Variants in TRPM2 observed in about 807,000 individuals in gnomAD.
TRPM2 encodes transient receptor potential cation channel subfamily M member 2.
TRPM2 carries 161 observed loss-of-function variants against 174.0 expected under a neutral mutation model. The observed-to-expected ratio is 0.93, with a 90% CI of 0.81 to 1.05. The LOEUF is 1.05. Among genes scored for constraint, TRPM2 ranks in the 50% least tolerant of loss-of-function variants. TRPM2 has a pLI of 0.00. For missense variants in TRPM2, 2,057 were observed against 2,038.0 expected (o/e 1.01, Z -0.18); for synonymous variants, 954 against 861.3 (o/e 1.11, Z -1.88).
In TRPM2 at chr21:44,353,777, A is replaced by T. The variant is rs2047976070; in HGVS notation, c.77A>T (p.Asp26Val). 6.2e-7 allele frequency: 1 copy of T among 1,603,102 alleles called. No individual in the cohort carries two copies. Among genetic ancestry groups the T allele is most frequent in the Non-Finnish European group, 8.5e-7 (1 of 1,175,502 alleles). ...GAGGGGCTGCCCAGAAGGGTCACTG[A>T]CCTGGGGATGGTCTCCAATCTCCGG... ...GFEGLPRRVT[D>V]LGMVSNLRRS... Residue 26 changes from aspartate to valine, a missense_variant, in exon 1 of 32, where the codon GAC (aspartate) becomes GTC (valine). Asp to Val is a radical substitution (Grantham distance 152). Transcript: ENST00000397928.
chr21:44,367,030 C>A lies in TRPM2; in HGVS notation c.604+96C>A, dbSNP rs921324053. The A allele has an allele frequency of 1.4e-6, 2 of 1,398,508 alleles. No individual in the cohort carries two copies. The highest frequency in any genetic ancestry group is 2.9e-5 in the African/African-American group (2 of 68,904). The allele number at this position is 1,398,508 out of a possible 1,614,324, so 86.6% of individuals were successfully genotyped here. On this transcript the variant is annotated intron_variant, in intron 4 of 31. Transcript: ENST00000397928. This position sits in a 1 kb window ranked among gnomAD's most constrained non-coding sequence, Gnocchi z 4.6. Reference sequence around the variant, plus strand: ...TCAGGGCCATCAGGACCCAAAAAGTCCCTGGGAGCCGCCGAGGCTGTGCCC... The same window carrying A: ...TCAGGGCCATCAGGACCCAAAAAGTACCTGGGAGCCGCCGAGGCTGTGCCC...
intron 7 of TRPM2, among the ~76,000 whole-genome samples, chr21:44,378,014 G>C (rs45607941): frequency 6.6e-6 from 1 of 152,226 alleles, no homozygotes; most frequent in Non-Finnish European, 1.5e-5. Flanking sequence ...GCCATTGACC[G>C]GCGTGGAAGG....
intron 19 of TRPM2, among the ~76,000 whole-genome samples, chr21:44,409,841 TG>T (rs1469686226): frequency 6.8e-6 from 1 of 147,614 alleles, no homozygotes; most frequent in African/African-American, 2.5e-5. Context: ...AGCGTAGCCT[TG>T]TAGTAAGTTT....
chr21:44,391,315 A>T lies in TRPM2; in HGVS notation c.1484A>T (p.Asn495Ile), dbSNP rs1282135864. Residue 495 changes from asparagine (N) to isoleucine (I), a missense_variant, in exon 11 of 32, where the codon AAC (asparagine) becomes ATC (isoleucine). Coordinates refer to ENST00000397928, the MANE Select transcript of TRPM2 (RefSeq NM_003307.4). This position sits in a 1 kb window ranked among gnomAD's most constrained non-coding sequence, Gnocchi z 5.0. Reference protein sequence around the residue: ...HPTMTAALISNKPEFVKLFLE... With the variant: ...HPTMTAALISIKPEFVKLFLE... ...ACGATGACAGCTGCACTCATCTCCAACAAGCCTGAGTTTGTGAAGCTCTTC... is the reference window on the plus strand; with the variant it reads ...ACGATGACAGCTGCACTCATCTCCATCAAGCCTGAGTTTGTGAAGCTCTTC... 4 of 1,613,952 alleles carry T rather than the reference A, an allele frequency of 2.5e-6. No individual in the cohort carries two copies. In the Admixed American group the frequency reaches 6.7e-5, roughly 27 times the overall value.
Position 44,441,859 on chromosome 21 carries a change from C to T in TRPM2, c.*42C>T. ...GGCGGCTCCAGTCCATAGACGTTCC[C>T]CCCAGAAACCAGGGCTTCTCTCTCC... On this transcript the variant is annotated 3_prime_UTR_variant, in exon 32 of 32. Coordinates refer to ENST00000397928, the MANE Select transcript of TRPM2 (RefSeq NM_003307.4). The T allele has an allele frequency of 1.3e-6, 2 of 1,548,406 alleles. No individual in the cohort carries two copies. Among genetic ancestry groups the T allele is most frequent in the Non-Finnish European group, 1.7e-6 (2 of 1,144,326 alleles).
rs2051403981 is a variant in TRPM2 at position 44,439,372 on chromosome 21, C to T, written c.4269+204C>T. 6.6e-6 allele frequency among the ~76,000 whole-genome samples: 1 copy of T among 152,190 alleles called. No homozygotes were observed. Among genetic ancestry groups the T allele is most frequent in the South Asian group, 2.1e-4 (1 of 4,824 alleles). Reference sequence around the variant, plus strand: ...AAGCATAGCTGTGTGCAGGGCCCCTCAGACATCTCGCCCTCCCTCTCTGTT... The same window carrying T: ...AAGCATAGCTGTGTGCAGGGCCCCTTAGACATCTCGCCCTCCCTCTCTGTT... On this transcript the variant is annotated intron_variant, in intron 30 of 31. Transcript: ENST00000397928. The surrounding 1 kb of genome is among the most constrained non-coding windows in gnomAD (Gnocchi z 5.1).
intron 9 of TRPM2, among the ~76,000 whole-genome samples, chr21:44,388,780 A>G (rs866938309): frequency 1.3e-5 from 2 of 152,256 alleles, no homozygotes; most frequent in Middle Eastern, 3.4e-3. Flanking sequence ...TTATGATTAT[A>G]AATATGATCA....
In TRPM2 at chr21:44,437,161, G is replaced by A. The variant is rs1477439454; in HGVS notation, c.4161G>A (p.Leu1387=). 3.2e-6 allele frequency: 5 copies of A among 1,551,132 alleles called. No individual in the cohort carries two copies. Among genetic ancestry groups the A allele is most frequent in the Non-Finnish European group, 4.4e-6 (5 of 1,146,792 alleles). ...TCCCTCTCTCCGAGCACTGGGCCCT[G>A]CCTGGGGTAAGGCTGCCGCGTGTGG... ...VKLPLSEHWA[L]PGGSREPGEM... The change falls in exon 29 of 32, where the codon CTG becomes CTA. Residue 1387 remains leucine (L), a synonymous_variant. Coordinates refer to ENST00000397928, the MANE Select transcript of TRPM2 (RefSeq NM_003307.4).
At chr21:44,440,708 T>A in intron 30 of TRPM2, 81 bp from the exon 31 acceptor site, 1 of 1,203,198 alleles carries the variant, frequency 8.3e-7, no homozygotes, top group Non-Finnish European at 1.2e-6. Context: ...CAGAGCTGGG[T>A]CAGGGTGGAG....
rs977001665 is a variant in TRPM2 at position 44,354,537 on chromosome 21, C to T, written c.166-111C>T. 2.3e-5 allele frequency: 22 copies of T among 953,092 alleles called. 1 individual carries two copies. The highest frequency in any genetic ancestry group is 3.5e-5 in the Non-Finnish European group (21 of 602,348). The allele number at this position is 953,092 out of a possible 1,614,324, so 59.0% of individuals were successfully genotyped here. On this transcript the variant is annotated intron_variant, in intron 1 of 31. Coordinates refer to ENST00000397928, the MANE Select transcript of TRPM2 (RefSeq NM_003307.4). This position sits in a 1 kb window ranked among gnomAD's most constrained non-coding sequence, Gnocchi z 4.3. The stretch of plus-strand genomic sequence containing the variant: ...GGCTCAGGGTCGCGCAGGCTTCCTT[C>T]CTTCAAGCAAATAGTGTGAAAGCTC...
intron 9 of TRPM2, among the ~76,000 whole-genome samples, chr21:44,383,028 T>A (rs2048928614): frequency 6.6e-6 from 1 of 152,206 alleles, no homozygotes; most frequent in Non-Finnish European, 1.5e-5. Flanking sequence ...TATTTGTAAC[T>A]GGAATCCGAG....
chr21:44,361,229 G>A (rs1055116804), intron 2 of TRPM2, among the ~76,000 whole-genome samples: 3 of 151,954 alleles, frequency 2.0e-5, no homozygotes, highest in African/African-American at 4.8e-5. Flanking sequence ...TCCGCCTCCC[G>A]GCAACTGGGA....
Position 44,355,510 on chromosome 21 carries a change from C to T in TRPM2, c.254+774C>T, listed in dbSNP as rs45454693. ...ATGCTGCCTCTGCCGTGCAGCCTTC[C>T]GTGACTATACAACCTCTACCAGGAA... On this transcript the variant is annotated intron_variant, in intron 2 of 31. Transcript: ENST00000397928. Among the ~76,000 whole-genome samples the T allele has an allele frequency of 8.2e-3, 1,252 of 152,328 alleles. 11 individuals are homozygous for T. Among genetic ancestry groups the T allele is most frequent in the African/African-American group, 0.028 (1,177 of 41,562 alleles).
chr21:44,389,601 A>C (rs1485311635), intron 9 of TRPM2, among the ~76,000 whole-genome samples: 1 of 152,174 alleles, frequency 6.6e-6, no homozygotes, highest in African/African-American at 2.4e-5. Context: ...ATGTGAAGTG[A>C]CATCTCATTG....
chr21:44,354,545 C>A lies in TRPM2; in HGVS notation c.166-103C>A. 9.6e-7 allele frequency: 1 copy of A among 1,045,068 alleles called. No homozygotes were observed. The highest frequency in any genetic ancestry group is 1.5e-6 in the Non-Finnish European group (1 of 677,404). 64.7% of individuals were successfully genotyped at this position (1,045,068 alleles called of 1,614,324 possible). A position where few individuals can be genotyped will look rare whatever the true frequency, so the allele number is the denominator to read the frequency against. ...GTCGCGCAGGCTTCCTTCCTTCAAG[C>A]AAATAGTGTGAAAGCTCCTCAAGGA... On this transcript the variant is annotated intron_variant, in intron 1 of 31. Transcript: ENST00000397928. The surrounding 1 kb of genome is among the most constrained non-coding windows in gnomAD (Gnocchi z 4.3).
At chr21:44,402,726 AGGTG>A (rs2049666288) in intron 16 of TRPM2, among the ~76,000 whole-genome samples, 1 of 152,168 alleles carries the variant, frequency 6.6e-6, no homozygotes, top group African/African-American at 2.4e-5. Context: ...GCTGCCCCCC[AGGTG>A]GGGCGAATCC....
At chr21:44,378,661 T>C (rs948174253) in intron 7 of TRPM2, among the ~76,000 whole-genome samples, 3 of 152,146 alleles carry the variant, frequency 2.0e-5, no homozygotes, top group African/African-American at 7.2e-5. Context: ...GCTCTTACTG[T>C]GGGCTTTTAT....
rs45618036 is a variant in TRPM2 at position 44,366,702 on chromosome 21, G to A, written c.424-52G>A. 0.026 allele frequency: 41,416 copies of A among 1,611,044 alleles called. 645 individuals carry two copies. The highest frequency in any genetic ancestry group is 0.041 in the South Asian group (3,721 of 90,976). On this transcript the variant is annotated intron_variant, in intron 3 of 31. Coordinates refer to ENST00000397928, the MANE Select transcript of TRPM2 (RefSeq NM_003307.4). The surrounding 1 kb of genome is among the most constrained non-coding windows in gnomAD (Gnocchi z 6.0). ...TGCATGGCCTGTGTGGGTCGGTGCT[G>A]TCCCTGACCACTGACACACAGGTTC... is the stretch of plus-strand genomic sequence containing the variant.
chr21:44,394,353 T>C (rs2049273727), intron 11 of TRPM2, among the ~76,000 whole-genome samples: 1 of 133,960 alleles, frequency 7.5e-6, no homozygotes, highest in Non-Finnish European at 1.6e-5. Flanking sequence ...GGAGTCTTGC[T>C]CTGCTGCCCA....
Sources: allele counts gnomAD v4.1 joint callset (sites outside exome capture counted in the v4.1 genomes callset), GRCh38; gene constraint gnomAD v4.1.1; non-coding constraint Gnocchi (gnomAD v3.1); transcripts MANE v1.5; gene names NCBI Gene and HGNC (gene_info 2026-07-23, HGNC 2026-07-21).